The following ZNF107 variants were observed in gnomAD, a reference collection of about 807,000 sequenced individuals.
ZNF107 encodes the protein zinc finger protein 107.
Under a neutral mutation model 12.3 loss-of-function variants are expected in ZNF107, and 19 were observed. The ratio of observed to expected loss-of-function variants is 1.55; its 90% CI spans 1.08 to 2.27. The LOEUF is 2.27. Among genes scored for constraint, ZNF107 ranks in the 30% most tolerant of loss-of-function variants. The pLI is 0.00. For missense variants in ZNF107, 958 were observed against 979.9 expected, an observed-to-expected ratio of 0.98 and a Z score of 0.30; for synonymous variants, 317 against 330.5, an observed-to-expected ratio of 0.96 and a Z score of 0.44.
intron 1 of ZNF107, 107 bp from the exon 2 acceptor site, chr7:64,691,141 G>C (rs1169271967): frequency 9.1e-7 from 1 of 1,094,480 alleles, no homozygotes; most frequent in African/African-American, 1.7e-5. Flanking sequence ...CAAAGTGCTG[G>C]GATTACAGGC....
At chr7:64,681,136 G>A (rs1226618520) in intron 1 of ZNF107, among the ~76,000 whole-genome samples, 5 of 152,188 alleles carry the variant, frequency 3.3e-5, no homozygotes, top group South Asian at 2.1e-4. Flanking sequence ...TGATCTCCTC[G>A]GCTTGGCGGC....
intron 3 of ZNF107, among the ~76,000 whole-genome samples, chr7:64,695,714 T>A: frequency 6.6e-6 from 1 of 152,316 alleles, no homozygotes; most frequent in Admixed American, 6.5e-5. Context: ...CTTAGCTGAT[T>A]TTAAATGGTG....
chr7:64,666,756 CAA>C (rs1410612310), intron 1 of ZNF107, among the ~76,000 whole-genome samples: 2 of 152,090 alleles, frequency 1.3e-5, no homozygotes, highest in Non-Finnish European at 2.9e-5. Flanking sequence ...AGAATTTAAT[CAA>C]AGAGTAATTG....
At chr7:64,681,194 T>A (rs1789656552) in intron 1 of ZNF107, among the ~76,000 whole-genome samples, 1 of 152,098 alleles carries the variant, frequency 6.6e-6, no homozygotes, top group African/African-American at 2.4e-5. Flanking sequence ...TGGACCATCA[T>A]GGACCTCGGG....
Position 64,710,491 on chromosome 7 carries a change from G to C in ZNF107, c.*1835G>C, listed in dbSNP as rs1261731747. The C allele has an allele frequency of 6.6e-6, 1 of 152,168 alleles. No homozygotes were observed. Among genetic ancestry groups the C allele is most frequent in the Non-Finnish European group, 1.5e-5 (1 of 68,024 alleles). The allele number at this position is 152,168 out of a possible 1,614,324, so 9.4% of individuals were successfully genotyped here. A position where few individuals can be genotyped will look rare whatever the true frequency, so the allele number is the denominator to read the frequency against. On this transcript the variant is annotated 3_prime_UTR_variant, in exon 4 of 4. Transcript: ENST00000620827. ...AAATATCTAAGGTACTGACACTTCA[G>C]ACATTGCTGAGTATAGAATCAGAAT...
chr7:64,700,787 G>A (rs953676681), intron 3 of ZNF107, among the ~76,000 whole-genome samples: 1 of 151,974 alleles, frequency 6.6e-6, no homozygotes, highest in Non-Finnish European at 1.5e-5. Flanking sequence ...TGATCCACCC[G>A]CCTTTGCCTC....
Position 64,709,767 on chromosome 7 carries a change from G to A in ZNF107, c.*1111G>A, listed in dbSNP as rs761696028. On this transcript the variant is annotated 3_prime_UTR_variant, in exon 4 of 4. Transcript: ENST00000620827. ...TTACTCAACATTAGAGAGTTAGTACGTAATAAAAGCATTATAAATGCAATT... is the reference window on the plus strand; with the variant it reads ...TTACTCAACATTAGAGAGTTAGTACATAATAAAAGCATTATAAATGCAATT... The A allele has an allele frequency of 2.7e-5, 12 of 452,416 alleles. No individual in the cohort carries two copies. Among genetic ancestry groups the A allele is most frequent in the South Asian group, 7.9e-5 (5 of 63,538 alleles). The allele number at this position is 452,416 out of a possible 1,614,324, so 28.0% of individuals were successfully genotyped here.
At chr7:64,686,553 A>G (rs987127443) in intron 1 of ZNF107, 3 of 985,296 alleles carry the variant, frequency 3.0e-6, no homozygotes, top group African/African-American at 1.7e-5. Context: ...AAACAAAAAG[A>G]CAGGAATGTC....
At chr7:64,697,863 T>C (rs1790346102) in intron 3 of ZNF107, among the ~76,000 whole-genome samples, 1 of 151,986 alleles carries the variant, frequency 6.6e-6, no homozygotes, top group Admixed American at 6.6e-5. Flanking sequence ...GGCTAATTTT[T>C]TGTATTTTTT....
At chr7:64,675,748 C>T (rs1309163199) in intron 1 of ZNF107, among the ~76,000 whole-genome samples, 1 of 152,102 alleles carries the variant, frequency 6.6e-6, no homozygotes, top group Non-Finnish European at 1.5e-5. Flanking sequence ...ATAAATTTCC[C>T]TCTTAACACT....
chr7:64,667,993 C>T (rs1483531628), intron 1 of ZNF107, among the ~76,000 whole-genome samples: 1 of 147,984 alleles, frequency 6.8e-6, no homozygotes, highest in Admixed American at 6.8e-5. Context: ...TGAGATGGTA[C>T]AAGAACTTGC....
Position 64,706,958 on chromosome 7 carries a change from T to C in ZNF107, c.861T>C (p.Tyr287=). ...ATACTGGAGAAAAACCTTACAAATA[T>C]GAAGAATGTGGCAAAGTCTTTAGCC... The part of the protein sequence containing the change: ...IIHTGEKPYK[Y]EECGKVFSQS... The change falls in exon 4 of 4, where the codon TAT becomes TAC. Residue 287 remains tyrosine, a synonymous_variant. Transcript: ENST00000620827. 1.2e-6 allele frequency: 2 copies of C among 1,613,400 alleles called. No homozygotes were observed. Among genetic ancestry groups the C allele is most frequent in the Non-Finnish European group, 1.7e-6 (2 of 1,179,724 alleles).
intron 1 of ZNF107, chr7:64,686,527 ACTT>A (rs1789919348): frequency 1.0e-6 from 1 of 985,234 alleles, no homozygotes; most frequent in African/African-American, 1.7e-5. Flanking sequence ...CACCCCGTCC[ACTT>A]CTTTTCTTAT....
intron 3 of ZNF107, among the ~76,000 whole-genome samples, chr7:64,704,744 C>T (rs543201622): frequency 9.9e-5 from 15 of 152,204 alleles, no homozygotes; most frequent in East Asian, 7.7e-4. Context: ...GGTGTGACCC[C>T]GGCTCACTGC....
At position 64,710,907 on chromosome 7, in the gene ZNF107, ATTC is replaced by A. The variant is rs1306761796; in HGVS notation, c.*2256_*2258del. 2.0e-5 allele frequency: 3 copies of A among 152,194 alleles called. No homozygotes were observed. Among genetic ancestry groups the A allele is most frequent in the Admixed American group, 2.0e-4 (3 of 15,280 alleles). The allele number at this position is 152,194 out of a possible 1,614,324, so 9.4% of individuals were successfully genotyped here. Reference sequence around the variant, plus strand: ...CCATGAAGTAGGTTTTCAGAGCAATATTCTTCTGCATTATAGTAAGAGAAAACC... The same window carrying A: ...CCATGAAGTAGGTTTTCAGAGCAATATTCTGCATTATAGTAAGAGAAAACC... On this transcript the variant is annotated 3_prime_UTR_variant, in exon 4 of 4. Coordinates refer to ENST00000620827, the MANE Select transcript of ZNF107 (RefSeq NM_001282359.2).
At chr7:64,683,712 A>C (rs1332589853) in intron 1 of ZNF107, among the ~76,000 whole-genome samples, 2 of 151,720 alleles carry the variant, frequency 1.3e-5, no homozygotes, top group East Asian at 3.9e-4. Context: ...TTAAACAATC[A>C]CTTCTTAATG....
chr7:64,702,723 A>G (rs1790516839), intron 3 of ZNF107, among the ~76,000 whole-genome samples: 1 of 151,736 alleles, frequency 6.6e-6, no homozygotes, highest in Non-Finnish European at 1.5e-5. Flanking sequence ...ATACCCAGCT[A>G]ATTTTGTATT....
intron 1 of ZNF107, chr7:64,686,865 A>G: frequency 1.0e-6 from 1 of 983,414 alleles, no homozygotes; most frequent in Non-Finnish European, 1.2e-6. Context: ...ACCCAAGTGA[A>G]TAAACGGCCT....
Position 64,708,226 on chromosome 7 carries a change from G to A in ZNF107, c.2129G>A (p.Cys710Tyr), listed in dbSNP as rs1790751917. The A allele has an allele frequency of 1.9e-6, 3 of 1,613,378 alleles. No individual in the cohort carries two copies. Among genetic ancestry groups the A allele is most frequent in the Non-Finnish European group, 2.5e-6 (3 of 1,179,714 alleles). ...TGEKPYQCAE[C>Y]GKAFNCSSTL... ...GAGAAACCTTACCAATGTGCAGAAT[G>A]TGGCAAAGCCTTTAACTGCTCCTCA... The change falls in exon 4 of 4, where the codon TGT (cysteine) becomes TAT (tyrosine). Residue 710 changes from cysteine (C) to tyrosine (Y), a missense_variant. Coordinates refer to ENST00000620827, the MANE Select transcript of ZNF107 (RefSeq NM_001282359.2).
Sources: gnomAD v4.1 joint callset for allele counts (sites outside exome capture counted in the v4.1 genomes callset) on GRCh38, gnomAD v4.1.1 for gene constraint, MANE v1.5 for transcripts, NCBI Gene and HGNC (gene_info 2026-07-23, HGNC 2026-07-21) for gene names.